RGPD2: variants seen among roughly 807,000 people sequenced by gnomAD.
The protein encoded by RGPD2 is RANBP2-like and GRIP domain-containing protein 2.
In RGPD2, 2 loss-of-function variants were observed where a neutral mutation model predicts 36.0. That is an observed-to-expected ratio of 0.06 (90% CI 0.02 to 0.17). The LOEUF is 0.17. RGPD2 is among the 10% of genes least tolerant of loss of function. The probability of loss-of-function intolerance (pLI) is 1.00; values close to 1 mark genes in which losing one functional copy is unlikely to be tolerated. For synonymous variants in RGPD2, 19 were observed against 163.8 expected (o/e 0.12, Z 6.75); for missense variants, 40 against 464.3 (o/e 0.09, Z 8.40).
At chr2:87,939,691 A>T in the RGPD2 span, among the ~76,000 whole-genome samples, 1 of 151,908 alleles carries the variant, frequency 6.6e-6, no homozygotes. Flanking sequence ...AATGAAGATG[A>T]TGACAGCCCA....
the RGPD2 span, among the ~76,000 whole-genome samples, chr2:87,956,480 T>A: frequency 7.9e-5 from 11 of 138,398 alleles, no homozygotes; most frequent in African/African-American, 2.9e-4. Flanking sequence ...ACTAAATGTA[T>A]ATAGCAAATT....
At chr2:87,805,994 T>C (rs2104330365) in intron 7 of RGPD2, among the ~76,000 whole-genome samples, 1 of 150,798 alleles carries the variant, frequency 6.6e-6, no homozygotes, top group African/African-American at 2.4e-5. Flanking sequence ...AAACCCCATC[T>C]CTATTAAAAA....
the RGPD2 span, among the ~76,000 whole-genome samples, chr2:87,908,883 T>C: frequency 6.7e-6 from 1 of 148,488 alleles, no homozygotes; most frequent in East Asian, 2.1e-4. Context: ...GTGTCAGGTA[T>C]GAAATTATTT....
chr2:87,961,168 C>T, the RGPD2 span, among the ~76,000 whole-genome samples: 1 of 152,182 alleles, frequency 6.6e-6, no homozygotes, highest in Non-Finnish European at 1.5e-5. Flanking sequence ...GAAAACTATC[C>T]TACTGATAAA....
the RGPD2 span, chr2:87,972,797 G>T: frequency 6.2e-7 from 1 of 1,611,684 alleles, no homozygotes; most frequent in East Asian, 2.2e-5. Context: ...CAGGGAGACT[G>T]GCTGCTGCAC....
chr2:87,983,556 T>G, the RGPD2 span, among the ~76,000 whole-genome samples: 1 of 122,234 alleles, frequency 8.2e-6, no homozygotes. Context: ...AGCAAAAATC[T>G]TTGCCTTCCT....
chr2:87,870,300 T>C, the RGPD2 span, among the ~76,000 whole-genome samples: 1 of 152,288 alleles, frequency 6.6e-6, no homozygotes, highest in Non-Finnish European at 1.5e-5. Flanking sequence ...CAATCTTTGG[T>C]CTATAGACCA....
the RGPD2 span, among the ~76,000 whole-genome samples, chr2:87,915,608 A>G: frequency 2.6e-4 from 37 of 139,824 alleles, no homozygotes; most frequent in African/African-American, 9.4e-4. Context: ...ATGTGTGTGT[A>G]TATATATACA....
chr2:87,832,962 AT>A, the RGPD2 span, among the ~76,000 whole-genome samples: 1 of 149,398 alleles, frequency 6.7e-6, no homozygotes, highest in Non-Finnish European at 1.5e-5. Context: ...AAATAAATAA[AT>A]ATAACATAGT....
At chr2:87,938,323 C>T in the RGPD2 span, among the ~76,000 whole-genome samples, 12 of 151,522 alleles carry the variant, frequency 7.9e-5, no homozygotes, top group Non-Finnish European at 1.5e-5. Context: ...TTTACAACAG[C>T]CCAGAAAGAA....
chr2:87,988,524 A>AATATATATATATATATAT, the RGPD2 span, among the ~76,000 whole-genome samples: 10 of 42,848 alleles, frequency 2.3e-4, 2 homozygotes, highest in East Asian at 0.017. Flanking sequence ...TATACATATA[A>AATATATATATATATATAT]ATATATATAT....
At chr2:87,963,671 C>T in the RGPD2 span, among the ~76,000 whole-genome samples, 3 of 78,740 alleles carry the variant, frequency 3.8e-5, no homozygotes, top group East Asian at 8.3e-4. Flanking sequence ...CAGAGAAAGA[C>T]CCTGTCTCAA....
At chr2:87,937,567 T>C in the RGPD2 span, among the ~76,000 whole-genome samples, 1 of 151,702 alleles carries the variant, frequency 6.6e-6, no homozygotes, top group East Asian at 1.9e-4. Context: ...GGGGGAGGTC[T>C]CAGACTCTTT....
the RGPD2 span, among the ~76,000 whole-genome samples, chr2:87,964,328 A>G: frequency 6.6e-6 from 1 of 152,020 alleles, no homozygotes; most frequent in African/African-American, 2.4e-5. Context: ...ATATATTCCT[A>G]CCATGTTGCA....
intron 22 of RGPD2, among the ~76,000 whole-genome samples, chr2:87,769,188 G>A (rs1455480034): frequency 2.7e-5 from 3 of 111,756 alleles, no homozygotes; most frequent in Non-Finnish European, 5.6e-5. Context: ...GGCTGGTCTC[G>A]AACTCCTGAC....
At chr2:87,865,556 G>A in the RGPD2 span, among the ~76,000 whole-genome samples, 1 of 148,740 alleles carries the variant, frequency 6.7e-6, no homozygotes, top group Non-Finnish European at 1.5e-5. Flanking sequence ...TTCATCTCCT[G>A]AGCAAAAATA....
chr2:87,824,745 C>CGAG lies in RGPD2; in HGVS notation c.72+912_72+913insCTC, dbSNP rs1412455008. Among the ~76,000 whole-genome samples the CGAG allele has an allele frequency of 3.8e-3, 333 of 86,620 alleles. 2 individuals are homozygous for CGAG. Among genetic ancestry groups the CGAG allele is most frequent in the Non-Finnish European group, 6.7e-3 (272 of 40,742 alleles). The allele number at this position is 86,620 out of a possible 152,430, so 56.8% of individuals were successfully genotyped here. The stretch of plus-strand genomic sequence containing the variant: ...CGCCGCCGCCCGGCCAGGCCGAGGC[C>CGAG]GCCGCCGCCGCCGCCGCCGCCGCCC... On this transcript the variant is annotated intron_variant, in intron 1 of 22. Transcript: ENST00000398146.
chr2:87,827,157 G>A (rs968837187), upstream of RGPD2, among the ~76,000 whole-genome samples: 38 of 152,158 alleles, frequency 2.5e-4, no homozygotes, highest in African/African-American at 8.2e-4. Flanking sequence ...GACAGGAAGT[G>A]TAAGAGTTAA....
chr2:87,882,549 C>T, the RGPD2 span, among the ~76,000 whole-genome samples: 3 of 152,132 alleles, frequency 2.0e-5, no homozygotes, highest in Admixed American at 6.5e-5. Context: ...TAGCTTTGTC[C>T]TTTTTGGTCA....
Sources: allele counts gnomAD v4.1 joint callset (sites outside exome capture counted in the v4.1 genomes callset), GRCh38; gene constraint gnomAD v4.1.1; transcripts MANE v1.5; gene names NCBI Gene and HGNC (gene_info 2026-07-23, HGNC 2026-07-21).